ARHGAP24: variants seen among roughly 807,000 people sequenced by gnomAD.
ARHGAP24 encodes the protein rho GTPase-activating protein 24.
In ARHGAP24, 50 loss-of-function variants were observed where a neutral mutation model predicts 76.4. That is an observed-to-expected ratio of 0.65 (90% CI 0.52 to 0.83). The LOEUF is 0.83. Among genes scored for constraint, ARHGAP24 ranks in the 40% least tolerant of loss-of-function variants. The probability of loss-of-function intolerance (pLI) is 0.00; values close to 1 mark genes in which losing one functional copy is unlikely to be tolerated. For missense variants in ARHGAP24, 930 were observed against 914.2 expected (o/e 1.02, Z -0.22); for synonymous variants, 345 against 323.3 (o/e 1.07, Z -0.72).
chr4:85,488,215 C>T (rs1723220191), intron 1 of ARHGAP24, among the ~76,000 whole-genome samples: 1 of 151,542 alleles, frequency 6.6e-6, no homozygotes, highest in Non-Finnish European at 1.5e-5. Flanking sequence ...ATTCCTGCTC[C>T]CTCCGACTTT....
At chr4:85,632,415 A>G (rs1721186067) in intron 2 of ARHGAP24, among the ~76,000 whole-genome samples, 1 of 152,044 alleles carries the variant, frequency 6.6e-6, no homozygotes, top group African/African-American at 2.4e-5. Context: ...TATTGGTAAA[A>G]CAATAAAGAG....
intron 2 of ARHGAP24, among the ~76,000 whole-genome samples, chr4:85,611,788 A>C (rs563198238): frequency 1.3e-5 from 2 of 152,306 alleles, no homozygotes; most frequent in East Asian, 3.9e-4. Context: ...TTGCTTGTTG[A>C]AACTTGATGG....
intron 2 of ARHGAP24, among the ~76,000 whole-genome samples, chr4:85,630,130 G>A (rs375421883): frequency 6.6e-6 from 1 of 152,050 alleles, no homozygotes; most frequent in African/African-American, 2.4e-5. Flanking sequence ...GTCTGCGGTT[G>A]AATCTTTTTA....
Position 85,995,033 on chromosome 4 carries a change from G to A in ARHGAP24, c.1379G>A (p.Arg460Lys), listed in dbSNP as rs754141478. ...ACCCCCAATGGGAGCCTACAGGCCA[G>A]AAGGAGCTCTTCACTGAAGGTATCT... is the stretch of plus-strand genomic sequence containing the variant. ...QTTPNGSLQARRSSSLKVSGT... is the reference protein window; with the variant it reads ...QTTPNGSLQAKRSSSLKVSGT... The change falls in exon 9 of 10, where the codon AGA becomes AAA. Residue 460 changes from arginine to lysine, a missense_variant. Coordinates refer to ENST00000395184, the MANE Select transcript of ARHGAP24 (RefSeq NM_001025616.3). 3 of 1,613,966 alleles carry A rather than the reference G, an allele frequency of 1.9e-6. No individual in the cohort carries two copies. Among genetic ancestry groups the A allele is most frequent in the Non-Finnish European group, 2.5e-6 (3 of 1,180,030 alleles).
chr4:85,658,714 G>GA (rs1355404881), intron 2 of ARHGAP24, among the ~76,000 whole-genome samples: 5 of 152,308 alleles, frequency 3.3e-5, no homozygotes, highest in African/African-American at 1.2e-4. Flanking sequence ...GGACCATGGG[G>GA]AATCACTCAA....
At chr4:85,998,266 A>T (rs1454807484) in intron 9 of ARHGAP24, among the ~76,000 whole-genome samples, 1 of 152,198 alleles carries the variant, frequency 6.6e-6, no homozygotes, top group African/African-American at 2.4e-5. Context: ...TACTAGGTGA[A>T]TAGAAGTTTG....
chr4:85,750,631 GATTAC>G (rs1726226126), intron 3 of ARHGAP24, among the ~76,000 whole-genome samples: 1 of 151,540 alleles, frequency 6.6e-6, no homozygotes, highest in Non-Finnish European at 1.5e-5. Context: ...GAGTAGCTGG[GATTAC>G]AGGTACGCAC....
At chr4:85,572,028 A>T (rs1727159162) in intron 2 of ARHGAP24, among the ~76,000 whole-genome samples, 1 of 152,182 alleles carries the variant, frequency 6.6e-6, no homozygotes, top group African/African-American at 2.4e-5. Flanking sequence ...ATTGCAAACC[A>T]GTGGGGAATA....
At chr4:85,930,755 A>T in intron 4 of ARHGAP24, 2 of 1,364,578 alleles carry the variant, frequency 1.5e-6, no homozygotes, top group Non-Finnish European at 1.9e-6. Context: ...ACAGGAGTAA[A>T]TGAGAGGTGG....
At chr4:85,583,531 G>A (rs923931072) in intron 2 of ARHGAP24, among the ~76,000 whole-genome samples, 8 of 151,950 alleles carry the variant, frequency 5.3e-5, no homozygotes, top group Non-Finnish European at 1.5e-5. Flanking sequence ...CATAGGCATG[G>A]GCAAGGACTT....
intron 3 of ARHGAP24, among the ~76,000 whole-genome samples, chr4:85,733,337 A>G (rs2110054181): frequency 6.6e-6 from 1 of 152,050 alleles, no homozygotes; most frequent in South Asian, 2.1e-4. Flanking sequence ...TGCTGGGATT[A>G]CAGGCGTGAG....
At chr4:85,528,309 AT>A (rs1186117531) in intron 1 of ARHGAP24, among the ~76,000 whole-genome samples, 1 of 152,128 alleles carries the variant, frequency 6.6e-6, no homozygotes, top group African/African-American at 2.4e-5. Context: ...CAAGAAAAAA[AT>A]ATTAGCTATG....
chr4:85,606,304 G>A (rs1381187818), intron 2 of ARHGAP24, among the ~76,000 whole-genome samples: 1 of 152,068 alleles, frequency 6.6e-6, no homozygotes, highest in Non-Finnish European at 1.5e-5. Context: ...ATGAGGTCAT[G>A]AGATCGAGAC....
chr4:85,537,488 A>G (rs1725515182), intron 1 of ARHGAP24, among the ~76,000 whole-genome samples: 1 of 152,172 alleles, frequency 6.6e-6, no homozygotes. Context: ...ATCCATATAA[A>G]GCTAGCAGAT....
intron 1 of ARHGAP24, among the ~76,000 whole-genome samples, chr4:85,490,782 A>C (rs1052178428): frequency 1.3e-5 from 2 of 152,182 alleles, no homozygotes; most frequent in African/African-American, 4.8e-5. Flanking sequence ...ATTTGATGGA[A>C]TCAAAAAGAT....
intron 2 of ARHGAP24, among the ~76,000 whole-genome samples, chr4:85,590,169 C>T (rs1411606053): frequency 2.2e-5 from 2 of 92,000 alleles, no homozygotes; most frequent in Non-Finnish European, 4.2e-5. Flanking sequence ...TTTCTGCCTG[C>T]CTGCCTGCCT....
chr4:85,546,025 T>A (rs2110125953), intron 1 of ARHGAP24, among the ~76,000 whole-genome samples: 1 of 152,322 alleles, frequency 6.6e-6, no homozygotes, highest in South Asian at 2.1e-4. Flanking sequence ...AAACAGCCAC[T>A]TATTAGCAGT....
At chr4:85,656,692 T>G (rs1722187114) in intron 2 of ARHGAP24, among the ~76,000 whole-genome samples, 1 of 152,102 alleles carries the variant, frequency 6.6e-6, no homozygotes, top group Non-Finnish European at 1.5e-5. Flanking sequence ...GGTCTCGATC[T>G]CCTGACCTCG....
rs1441361911 is a variant in ARHGAP24 at position 85,930,274 on chromosome 4, G to A, written c.391+6504G>A. The A allele has an allele frequency of 8.1e-6, 8 of 985,546 alleles. 1 individual carries two copies. In the South Asian group the frequency reaches 2.8e-4, roughly 35 times the overall value. The allele number at this position is 985,546 out of a possible 1,614,324, so 61.1% of individuals were successfully genotyped here. On this transcript the variant is annotated intron_variant, in intron 4 of 9. Coordinates refer to ENST00000395184, the MANE Select transcript of ARHGAP24 (RefSeq NM_001025616.3). ...CTGTTCTGACGTTGTGATTCTCTCG[G>A]GAGTTTGAAGACAGAAAGGAAAGGG...
Sources: gnomAD v4.1 joint callset for allele counts (sites outside exome capture counted in the v4.1 genomes callset) on GRCh38, gnomAD v4.1.1 for gene constraint, MANE v1.5 for transcripts, NCBI Gene and HGNC (gene_info 2026-07-23, HGNC 2026-07-21) for gene names.